ESRRG: variants seen among roughly 807,000 people sequenced by gnomAD.
The protein encoded by ESRRG is estrogen-related receptor gamma.
In ESRRG, 13 loss-of-function variants were observed where a neutral mutation model predicts 44.0. The ratio of observed to expected loss-of-function variants is 0.30; its 90% CI spans 0.19 to 0.47. The LOEUF (loss-of-function observed/expected upper bound fraction) is 0.47, where lower values mean the gene tolerates loss of function less well. Among genes scored for constraint, ESRRG ranks in the 20% least tolerant of loss-of-function variants. ESRRG has a pLI of 1.00. For synonymous variants in ESRRG, 215 were observed against 214.6 expected (o/e 1.00, Z -0.02); for missense variants, 395 against 580.6 (o/e 0.68, Z 3.29).
chr1:216,668,669 CT>C (rs1457003929), intron 2 of ESRRG, among the ~76,000 whole-genome samples: 1 of 152,070 alleles, frequency 6.6e-6, no homozygotes, highest in African/African-American at 2.4e-5. Flanking sequence ...GTTACTTTGT[CT>C]TAATTTACAT....
intron 1 of ESRRG, among the ~76,000 whole-genome samples, chr1:216,709,362 T>TATATATATATATATATATA (rs2083137254): frequency 6.7e-6 from 1 of 150,150 alleles, no homozygotes; most frequent in African/African-American, 2.4e-5. Context: ...TATATATATA[T>TATATATATATATATATATA]TCAATTTCTC....
At chr1:216,560,783 G>A (rs1049221363) in intron 5 of ESRRG, among the ~76,000 whole-genome samples, 2 of 152,138 alleles carry the variant, frequency 1.3e-5, no homozygotes, top group Non-Finnish European at 2.9e-5. Context: ...AGGCGACAGC[G>A]TTCCATTTTA....
intron 1 of ESRRG, among the ~76,000 whole-genome samples, chr1:217,018,403 T>C (rs1306618693): frequency 6.6e-6 from 1 of 152,184 alleles, no homozygotes; most frequent in Non-Finnish European, 1.5e-5. Flanking sequence ...AATGAAAATT[T>C]AGATGTGGCA....
At chr1:216,853,415 C>T (rs1317463094) in intron 2 of ESRRG, among the ~76,000 whole-genome samples, 1 of 152,166 alleles carries the variant, frequency 6.6e-6, no homozygotes, top group African/African-American at 2.4e-5. Flanking sequence ...GTCCAAATTC[C>T]CTTATGTAAT....
At chr1:216,871,862 A>T (rs2096264209) in intron 2 of ESRRG, among the ~76,000 whole-genome samples, 1 of 152,038 alleles carries the variant, frequency 6.6e-6, no homozygotes, top group African/African-American at 2.4e-5. Context: ...GAGGAAAAGA[A>T]TTGTCTATTA....
chr1:216,965,956 C>A lies in ESRRG; in HGVS notation c.-105-26283G>T, dbSNP rs186326182. ...CTGGGGGTCTTGTTCCAATGCAGAT[C>A]TGATTCAGTAAATCTGAGGTAGGGC... On this transcript the variant is annotated intron_variant, in intron 1 of 7. Coordinates refer to the ESRRG transcript ENST00000359162. Among the ~76,000 whole-genome samples, 56 of 152,266 alleles carry A rather than the reference C, an allele frequency of 3.7e-4. No individual in the cohort carries two copies. The East Asian group carries it at 0.01, about 27-fold the overall frequency.
intron 1 of ESRRG, among the ~76,000 whole-genome samples, chr1:217,104,948 A>G (rs566876784): frequency 1.3e-5 from 2 of 152,308 alleles, no homozygotes; most frequent in South Asian, 4.2e-4. Context: ...ATCTCTAGGA[A>G]AGAGCATTTG....
At chr1:217,085,480 CATTT>C (rs2092023097) in intron 1 of ESRRG, among the ~76,000 whole-genome samples, 1 of 66,342 alleles carries the variant, frequency 1.5e-5, no homozygotes, top group Non-Finnish European at 2.9e-5. Context: ...CTTTTCTTTT[CATTT>C]TTTTTTTTTT....
intron 3 of ESRRG, among the ~76,000 whole-genome samples, chr1:216,637,197 T>C (rs1436592025): frequency 1.3e-5 from 2 of 152,088 alleles, no homozygotes; most frequent in Non-Finnish European, 2.9e-5. Context: ...CAATAGGCTA[T>C]GATAGTCTAC....
intron 3 of ESRRG, among the ~76,000 whole-genome samples, chr1:216,636,970 A>C (rs2065419234): frequency 6.6e-6 from 1 of 152,170 alleles, no homozygotes; most frequent in African/African-American, 2.4e-5. Context: ...ATTTTTCTAC[A>C]CTATCCCCTC....
chr1:216,628,902 A>G (rs867294624), intron 3 of ESRRG, among the ~76,000 whole-genome samples: 2 of 152,178 alleles, frequency 1.3e-5, no homozygotes, highest in South Asian at 4.1e-4. Flanking sequence ...GGCCATTTGT[A>G]ACAACTCTCA....
At position 216,565,893 on chromosome 1, in the gene ESRRG, C is replaced by T. The variant is rs575505439; in HGVS notation, c.701-1513G>A. On this transcript the variant is annotated intron_variant, in intron 4 of 6. Transcript: ENST00000408911. ...TCATTGCTCTGACAATGCAACAAAACCTGTCAGCAACCATTAGATTCTCAG... is the reference window on the plus strand; with the variant it reads ...TCATTGCTCTGACAATGCAACAAAATCTGTCAGCAACCATTAGATTCTCAG... 2.0e-5 allele frequency among the ~76,000 whole-genome samples: 3 copies of T among 152,098 alleles called. No individual in the cohort carries two copies. The South Asian group carries it at 6.2e-4, about 32-fold the overall frequency.
intron 1 of ESRRG, among the ~76,000 whole-genome samples, chr1:217,019,345 C>T (rs1266254819): frequency 6.6e-6 from 1 of 152,126 alleles, no homozygotes; most frequent in Non-Finnish European, 1.5e-5. Flanking sequence ...GGACTTAGGT[C>T]CATAGAATTT....
chr1:217,119,094 T>A (rs1472125753), intron 1 of ESRRG, among the ~76,000 whole-genome samples: 1 of 152,088 alleles, frequency 6.6e-6, no homozygotes, highest in Non-Finnish European at 1.5e-5. Flanking sequence ...AAGAAAACAA[T>A]AAAGAATGAT....
intron 2 of ESRRG, 82 bp downstream of exon 2, chr1:216,676,994 T>TA: frequency 1.0e-6 from 1 of 975,772 alleles, no homozygotes; most frequent in East Asian, 2.4e-5. Flanking sequence ...ATACTTGACT[T>TA]ATGAGAATAA....
intron 2 of ESRRG, among the ~76,000 whole-genome samples, chr1:216,908,689 A>G (rs1454017199): frequency 6.6e-6 from 1 of 152,164 alleles, no homozygotes; most frequent in African/African-American, 2.4e-5. Context: ...AAGAGAGAGA[A>G]CAAAGAAAGA....
At chr1:216,796,315 AGGCGAACAC>A (rs1050233225) in intron 2 of ESRRG, among the ~76,000 whole-genome samples, 2 of 152,128 alleles carry the variant, frequency 1.3e-5, no homozygotes, top group African/African-American at 4.8e-5. Flanking sequence ...TATATCTCCA[AGGCGAACAC>A]TGGAGGACCC....
chr1:217,024,215 G>A (rs1170949720), intron 1 of ESRRG, among the ~76,000 whole-genome samples: 6 of 151,970 alleles, frequency 3.9e-5, no homozygotes, highest in South Asian at 2.1e-4. Flanking sequence ...AAGATTAGCC[G>A]GGCATGGTGG....
At chr1:216,717,100 A>G (rs1002661850) in intron 1 of ESRRG, among the ~76,000 whole-genome samples, 1 of 151,916 alleles carries the variant, frequency 6.6e-6, no homozygotes, top group Non-Finnish European at 1.5e-5. Context: ...ATTTTTAAAC[A>G]TTATAAGGGG....
Sources: allele counts gnomAD v4.1 joint callset (sites outside exome capture counted in the v4.1 genomes callset), GRCh38; gene constraint gnomAD v4.1.1; transcripts MANE v1.5; gene names NCBI Gene and HGNC (gene_info 2026-07-23, HGNC 2026-07-21).